Variants in SLC23A2 observed in about 807,000 individuals in gnomAD.
The protein encoded by SLC23A2 is solute carrier family 23 member 2.
A neutral mutation model predicts 73.3 loss-of-function variants in SLC23A2; 36 were observed. That is an observed-to-expected ratio of 0.49 (90% confidence interval 0.38 to 0.65). The LOEUF is 0.65. SLC23A2 is among the 30% of genes least tolerant of loss of function. SLC23A2 has a pLI of 0.00. For synonymous variants in SLC23A2, 343 were observed against 327.3 expected (o/e 1.05, Z -0.52); for missense variants, 507 against 841.6 (o/e 0.60, Z 4.92).
intron 3 of SLC23A2, among the ~76,000 whole-genome samples, chr20:4,919,494 G>A (rs1000320209): frequency 2.0e-5 from 3 of 152,292 alleles, no homozygotes; most frequent in African/African-American, 4.8e-5. Context: ...TCCCCATGCC[G>A]GCCCACAGCA....
At chr20:4,869,702 GA>G in intron 12 of SLC23A2, 1 of 493,080 alleles carries the variant, frequency 2.0e-6, no homozygotes. Flanking sequence ...CATGGACGAG[GA>G]AAATGAAAGT....
intron 1 of SLC23A2, among the ~76,000 whole-genome samples, chr20:4,974,940 C>G (rs1276783711): frequency 6.6e-6 from 1 of 151,980 alleles, no homozygotes; most frequent in Non-Finnish European, 1.5e-5. Context: ...GGGCCCACCA[C>G]CACACCTGGC....
rs1475685049 is a variant in SLC23A2 at position 4,852,697 on chromosome 20, A to G, written c.*4275T>C. The G allele has an allele frequency of 1.3e-5, 2 of 152,498 alleles. No individual in the cohort carries two copies. Among genetic ancestry groups the G allele is most frequent in the Admixed American group, 1.3e-4 (2 of 15,278 alleles). The allele number at this position is 152,498 out of a possible 1,614,324, so 9.4% of individuals were successfully genotyped here. On this transcript the variant is annotated 3_prime_UTR_variant, in exon 17 of 17. Coordinates refer to ENST00000338244, the MANE Select transcript of SLC23A2 (RefSeq NM_005116.6). This position sits in a 1 kb window ranked among gnomAD's most constrained non-coding sequence, Gnocchi z 4.3. ...TCCCCACTGTTTTAAGAACAGTCAG[A>G]AATGTATTAAGGTGTCAAATGAAGA...
chr20:4,997,794 T>TTTATTTTA lies in SLC23A2; in HGVS notation c.-282+3604_-282+3611dup, dbSNP rs138393573. On this transcript the variant is annotated intron_variant, in intron 1 of 16. Coordinates refer to ENST00000338244, the MANE Select transcript of SLC23A2 (RefSeq NM_005116.6). ...CACTACTACCACGTCCAGCGAATTT[T>TTTATTTTA]TTATTTTATTTTATTTTATTTTGTA... Among the ~76,000 whole-genome samples the TTTATTTTA allele has an allele frequency of 4.0e-5, 6 of 151,544 alleles. No individual in the cohort carries two copies. In the South Asian group the frequency reaches 6.3e-4, roughly 16 times the overall value.
chr20:5,007,878 T>C (rs996555499), intron 1 of SLC23A2, among the ~76,000 whole-genome samples: 1 of 152,174 alleles, frequency 6.6e-6, no homozygotes, highest in Admixed American at 6.6e-5. Context: ...CATTCCTTTT[T>C]TCATTGTGAT....
In SLC23A2 at chr20:4,854,368, T is replaced by G. The variant is rs1449275077; in HGVS notation, c.*2604A>C. 6.7e-6 allele frequency: 1 copy of G among 150,190 alleles called. No individual in the cohort carries two copies. Among genetic ancestry groups the G allele is most frequent in the Non-Finnish European group, 1.5e-5 (1 of 67,966 alleles). 9.3% of individuals were successfully genotyped at this position (150,190 alleles called of 1,614,324 possible). A position where few individuals can be genotyped will look rare whatever the true frequency, so the allele number is the denominator to read the frequency against. ...TTTCATTCTGTAGCATATTTTCCAG[T>G]AGGAGAACCACTTCCTAAAATGGTG... On this transcript the variant is annotated 3_prime_UTR_variant, in exon 17 of 17. Transcript: ENST00000338244.
At chr20:4,981,658 G>C (rs193035397) in intron 1 of SLC23A2, among the ~76,000 whole-genome samples, 34 of 152,072 alleles carry the variant, frequency 2.2e-4, no homozygotes, top group African/African-American at 7.0e-4. Flanking sequence ...GTTGGGGTTG[G>C]CAATTCCCTC....
intron 1 of SLC23A2, among the ~76,000 whole-genome samples, chr20:4,982,332 A>G (rs918457730): frequency 1.3e-5 from 2 of 152,198 alleles, no homozygotes; most frequent in African/African-American, 4.8e-5. Context: ...AATGAAGTAG[A>G]CTAGACTAGG....
At chr20:4,892,864 G>A (rs750912257) in intron 6 of SLC23A2, among the ~76,000 whole-genome samples, 1 of 152,090 alleles carries the variant, frequency 6.6e-6, no homozygotes, top group Non-Finnish European at 1.5e-5. Context: ...TGCACCACAC[G>A]AAGGAGACTG....
intron 2 of SLC23A2, among the ~76,000 whole-genome samples, chr20:4,957,799 G>C (rs1037442479): frequency 1.3e-5 from 2 of 151,444 alleles, no homozygotes; most frequent in East Asian, 3.9e-4. Context: ...TACTCGGGAG[G>C]CTGAGGCAGG....
At chr20:4,890,107 T>C (rs928686630) in intron 6 of SLC23A2, among the ~76,000 whole-genome samples, 1 of 152,072 alleles carries the variant, frequency 6.6e-6, no homozygotes, top group Non-Finnish European at 1.5e-5. Flanking sequence ...AAACTGTTAA[T>C]GAAAATGAAT....
chr20:5,005,941 G>A (rs930169023), upstream of SLC23A2, among the ~76,000 whole-genome samples: 2 of 151,474 alleles, frequency 1.3e-5, no homozygotes, highest in African/African-American at 2.4e-5. Flanking sequence ...AGCTGAGATC[G>A]CACCATTGTA....
At chr20:5,003,515 CTTTT>C (rs113174756), upstream of SLC23A2, among the ~76,000 whole-genome samples, 1 of 144,166 alleles carries the variant, frequency 6.9e-6, no homozygotes, top group African/African-American at 2.5e-5. Context: ...TCCAGCCAAC[CTTTT>C]TTTTTTTTTT....
chr20:4,936,743 T>C (rs1230031215), intron 2 of SLC23A2, among the ~76,000 whole-genome samples: 5 of 152,190 alleles, frequency 3.3e-5, no homozygotes, highest in African/African-American at 1.2e-4. Flanking sequence ...CAAGAATACC[T>C]TCCAGCAAGT....
intron 6 of SLC23A2, among the ~76,000 whole-genome samples, chr20:4,890,296 C>T (rs907522565): frequency 6.6e-6 from 1 of 152,116 alleles, no homozygotes; most frequent in Non-Finnish European, 1.5e-5. Flanking sequence ...ACAGGTTTGG[C>T]TTTGAGGAGC....
Position 4,932,471 on chromosome 20 carries a change from G to A in SLC23A2, c.92C>T (p.Ala31Val), listed in dbSNP as rs374207277. The A allele has an allele frequency of 1.1e-4, 171 of 1,584,782 alleles. 1 individual carries two copies. The Admixed American group carries it at 2.8e-3, about 26-fold the overall frequency. Residue 31 changes from alanine (A) to valine (V), a missense_variant, in exon 3 of 17, where the codon GCT (alanine) becomes GTT (valine). Ala to Val is a moderately conservative substitution (Grantham distance 64). Coordinates refer to ENST00000338244, the MANE Select transcript of SLC23A2 (RefSeq NM_005116.6). ...GKYEDEAKHP[A>V]FFTLPVVING... ...TATGATTACCGGAAGAGTGAAGAAAGCTGGGTGCTTTGCCTCGTCTTCGTA... is the reference window on the plus strand; with the variant it reads ...TATGATTACCGGAAGAGTGAAGAAAACTGGGTGCTTTGCCTCGTCTTCGTA...
At chr20:4,943,332 T>C (rs1162805772) in intron 2 of SLC23A2, among the ~76,000 whole-genome samples, 1 of 151,986 alleles carries the variant, frequency 6.6e-6, no homozygotes, top group Non-Finnish European at 1.5e-5. Context: ...TAAGAATCAG[T>C]GGCTCATGTG....
intron 3 of SLC23A2, among the ~76,000 whole-genome samples, chr20:4,923,232 C>A (rs1932557973): frequency 1.4e-5 from 2 of 144,852 alleles, no homozygotes; most frequent in Non-Finnish European, 3.0e-5. Flanking sequence ...TGTAGCGAGA[C>A]CCCATCTTGA....
chr20:4,883,969 A>G lies in SLC23A2; in HGVS notation c.643-146T>C. 1 of 583,550 alleles carries G rather than the reference A, an allele frequency of 1.7e-6. No individual in the cohort carries two copies. 36.1% of individuals were successfully genotyped at this position (583,550 alleles called of 1,614,324 possible). A position where few individuals can be genotyped will look rare whatever the true frequency, so the allele number is the denominator to read the frequency against. On this transcript the variant is annotated intron_variant, in intron 8 of 16. Transcript: ENST00000338244. This position sits in a 1 kb window ranked among gnomAD's most constrained non-coding sequence, Gnocchi z 4.5. The stretch of plus-strand genomic sequence containing the variant: ...GGGAGAGATAGCTAGAAAATTCCCC[A>G]GGACCCGACAAGAAACTTCAGGGGG...
Sources: gnomAD v4.1 joint callset for allele counts (sites outside exome capture counted in the v4.1 genomes callset) on GRCh38, gnomAD v4.1.1 for gene constraint, Gnocchi (gnomAD v3.1) non-coding constraint, MANE v1.5 for transcripts, NCBI Gene and HGNC (gene_info 2026-07-23, HGNC 2026-07-21) for gene names.